ZDHHC5: variants seen among roughly 807,000 people sequenced by gnomAD.
ZDHHC5 encodes zDHHC palmitoyltransferase 5.
A neutral mutation model predicts 70.0 loss-of-function variants in ZDHHC5; 22 were observed. That is an observed-to-expected ratio of 0.31 (90% CI 0.22 to 0.45). The LOEUF is 0.45. Ranked by LOEUF, ZDHHC5 falls within the 20% of genes least tolerant of loss-of-function variation. The pLI is 1.00. For synonymous variants in ZDHHC5, 313 were observed against 347.8 expected (o/e 0.90, Z 1.11); for missense variants, 746 against 926.9 (o/e 0.80, Z 2.53).
intron 3 of ZDHHC5, among the ~76,000 whole-genome samples, chr11:57,687,665 GAGAA>G (rs1442833827): frequency 6.6e-6 from 1 of 151,314 alleles, no homozygotes; most frequent in Admixed American, 6.6e-5. Context: ...TGAAAATTGA[GAGAA>G]AGGGCATTTA....
chr11:57,680,121 A>G (rs1197129376), intron 2 of ZDHHC5, among the ~76,000 whole-genome samples: 1 of 152,194 alleles, frequency 6.6e-6, no homozygotes, highest in Non-Finnish European at 1.5e-5. Context: ...ATGGTGGCTC[A>G]TGTCTGTAAT....
At chr11:57,689,207 C>G (rs1946249558) in intron 4 of ZDHHC5, among the ~76,000 whole-genome samples, 1 of 152,126 alleles carries the variant, frequency 6.6e-6, no homozygotes, top group African/African-American at 2.4e-5. Flanking sequence ...GTCCTTTTTC[C>G]ATTCCATTTT....
chr11:57,671,209 G>C (rs1590854146), intron 1 of ZDHHC5, among the ~76,000 whole-genome samples: 1 of 152,078 alleles, frequency 6.6e-6, no homozygotes, highest in African/African-American at 2.4e-5. Flanking sequence ...AAGGGACTGC[G>C]TCACCAGATA....
chr11:57,697,083 C>T (rs1210528948), intron 10 of ZDHHC5, among the ~76,000 whole-genome samples: 2 of 151,948 alleles, frequency 1.3e-5, no homozygotes, highest in Non-Finnish European at 2.9e-5. Context: ...GTAATCCCAG[C>T]ACTTTGGGAG....
chr11:57,698,433 A>C, intron 10 of ZDHHC5, 126 bp from the exon 11 acceptor site: 4 of 1,251,978 alleles, frequency 3.2e-6, no homozygotes, highest in Non-Finnish European at 4.4e-6. Flanking sequence ...TAACCCAGAT[A>C]ATGCATGTAA....
intron 2 of ZDHHC5, among the ~76,000 whole-genome samples, chr11:57,681,924 A>G (rs1946154166): frequency 6.6e-6 from 1 of 152,194 alleles, no homozygotes; most frequent in Admixed American, 6.6e-5. Context: ...TACTTTAGGC[A>G]CTTATGTGGT....
chr11:57,700,114 C>G lies in ZDHHC5; in HGVS notation c.*83C>G, dbSNP rs578260699. The G allele has an allele frequency of 8.1e-4, 1,195 of 1,466,854 alleles. 2 individuals are homozygous for G. The highest frequency in any genetic ancestry group is 1.0e-3 in the Non-Finnish European group (1,113 of 1,102,034). 90.9% of individuals were successfully genotyped at this position (1,466,854 alleles called of 1,614,324 possible). On this transcript the variant is annotated 3_prime_UTR_variant, in exon 12 of 12. Transcript: ENST00000287169. ...GCCACCTTCCTTCCCTCAAGGGGCT[C>G]CCCTCCCGTGCATGGACATTTTTTA...
intron 11 of ZDHHC5, 36 bp from the exon 12 acceptor site, chr11:57,699,830 A>G (rs1946416502): frequency 6.2e-7 from 1 of 1,613,764 alleles, no homozygotes. Flanking sequence ...TTTCTGTCCC[A>G]TTTCCTGACA....
intron 10 of ZDHHC5, 45 bp downstream of exon 10, chr11:57,696,918 C>T: frequency 1.3e-6 from 2 of 1,586,688 alleles, no homozygotes; most frequent in South Asian, 1.1e-5. Context: ...GCCAACTGGC[C>T]AGGCACAGTG....
chr11:57,676,088 A>G (rs1307632723), intron 2 of ZDHHC5, among the ~76,000 whole-genome samples: 1 of 152,226 alleles, frequency 6.6e-6, no homozygotes, highest in Non-Finnish European at 1.5e-5. Flanking sequence ...CTTTCAGGTA[A>G]CAGACATAAT....
chr11:57,681,427 T>A (rs1003636112), intron 2 of ZDHHC5: 1 of 152,200 alleles, frequency 6.6e-6, no homozygotes, highest in East Asian at 1.9e-4. Flanking sequence ...CAAAGTAGAT[T>A]AGAGTATTTA....
rs200774289 is a variant in ZDHHC5, at chr11:57,684,668, GA to G, written c.226+2127del. Reference sequence around the variant, plus strand: ...ATTTCTGAAGGTTATGCTTGCAGAAGAAGTAGGCTCTTTCTGGAATAGGAGG... The same window carrying G: ...ATTTCTGAAGGTTATGCTTGCAGAAGAGTAGGCTCTTTCTGGAATAGGAGG... On this transcript the variant is annotated intron_variant, in intron 3 of 11. Coordinates refer to ENST00000287169, the MANE Select transcript of ZDHHC5 (RefSeq NM_015457.3). Among the ~76,000 whole-genome samples the G allele has an allele frequency of 1.4e-3, 210 of 152,344 alleles. 1 individual carries two copies. The highest frequency in any genetic ancestry group is 7.5e-3 in the East Asian group (39 of 5,182).
At chr11:57,669,227 G>A (rs1483691814) in intron 1 of ZDHHC5, among the ~76,000 whole-genome samples, 2 of 152,074 alleles carry the variant, frequency 1.3e-5, no homozygotes, top group Admixed American at 6.6e-5. Context: ...ATTATTCCAT[G>A]GTACCTCCAT....
chr11:57,678,980 G>A (rs1252355852), intron 2 of ZDHHC5, among the ~76,000 whole-genome samples: 3 of 152,182 alleles, frequency 2.0e-5, no homozygotes, highest in African/African-American at 7.2e-5. Flanking sequence ...CTTGCATAGA[G>A]AAGTATTAAT....
chr11:57,693,457 A>C lies in ZDHHC5; in HGVS notation c.753-326A>C, dbSNP rs569366456. ...ATGAACCGGTACTGGTCTGCGGCCC[A>C]GGGGTTGGGGACCCCTGCTTTAGTG... On this transcript the variant is annotated intron_variant, in intron 7 of 11. Transcript: ENST00000287169. 8.6e-4 allele frequency among the ~76,000 whole-genome samples: 131 copies of C among 152,294 alleles called. 1 individual carries two copies. The highest frequency in any genetic ancestry group is 5.8e-3 in the South Asian group (28 of 4,822).
intron 3 of ZDHHC5, among the ~76,000 whole-genome samples, chr11:57,687,756 GTT>G (rs746146074): frequency 1.1e-4 from 8 of 75,288 alleles, no homozygotes; most frequent in African/African-American, 2.6e-4. Flanking sequence ...TTTTGGGAAA[GTT>G]TTTTTTTTTT....
At chr11:57,679,468 T>C (rs1946119363) in intron 2 of ZDHHC5, among the ~76,000 whole-genome samples, 1 of 152,178 alleles carries the variant, frequency 6.6e-6, no homozygotes, top group South Asian at 2.1e-4. Flanking sequence ...GGCCCCACTC[T>C]GCCAATTTTA....
chr11:57,693,999 GT>G (rs1946318940), intron 8 of ZDHHC5, 84 bp downstream of exon 8: 1 of 1,214,616 alleles, frequency 8.2e-7, no homozygotes. Context: ...AGTTTCCTTT[GT>G]GTTTTTTTTT....
intron 7 of ZDHHC5, 111 bp downstream of exon 7, chr11:57,692,813 A>G (rs1946303161): frequency 4.7e-6 from 5 of 1,074,716 alleles, no homozygotes; most frequent in Admixed American, 2.6e-5. Context: ...AGGGTTCTCT[A>G]TCTTAGAATG....
Sources: gnomAD v4.1 joint callset for allele counts (sites outside exome capture counted in the v4.1 genomes callset) on GRCh38, gnomAD v4.1.1 for gene constraint, MANE v1.5 for transcripts, NCBI Gene and HGNC (gene_info 2026-07-23, HGNC 2026-07-21) for gene names.